Variants in SHTN1 observed in about 807,000 individuals in gnomAD.
SHTN1 encodes the protein shootin-1.
A neutral mutation model predicts 83.1 loss-of-function variants in SHTN1; 42 were observed. That is an observed-to-expected ratio of 0.51 (90% CI 0.39 to 0.65). The LOEUF (loss-of-function observed/expected upper bound fraction) is 0.65. Ranked by LOEUF, SHTN1 falls within the 30% of genes least tolerant of loss-of-function variation. The pLI is 0.00. For missense variants in SHTN1, 622 were observed against 737.8 expected, an observed-to-expected ratio of 0.84 and a Z score of 1.82; for synonymous variants, 224 against 247.7, an observed-to-expected ratio of 0.90 and a Z score of 0.90.
intron 1 of SHTN1, among the ~76,000 whole-genome samples, chr10:117,080,036 G>C (rs1396482576): frequency 4.9e-3 from 164 of 33,548 alleles, no homozygotes; most frequent in African/African-American, 0.018. Context: ...AAGCTCTTTA[G>C]TTTAATTAGA....
chr10:117,008,483 T>C (rs1403691887), upstream of SHTN1, among the ~76,000 whole-genome samples: 1 of 152,150 alleles, frequency 6.6e-6, no homozygotes, highest in Non-Finnish European at 1.5e-5. Flanking sequence ...AATTATCATA[T>C]GAAAATGGCA....
At chr10:117,124,048 CA>C (rs2133650099) in intron 1 of SHTN1, among the ~76,000 whole-genome samples, 1 of 151,426 alleles carries the variant, frequency 6.6e-6, no homozygotes, top group African/African-American at 2.4e-5. Flanking sequence ...ACTGTCTCTA[CA>C]AAAAATAAAA....
Position 116,968,726 on chromosome 10 carries a change from A to C in SHTN1, c.112-14T>G, listed in dbSNP as rs1850489563. ...AATTTTGTCACACTGAAATGAGAGAAGTAAACAAATGTTAAACTTCAATCA... is the reference window on the plus strand; with the variant it reads ...AATTTTGTCACACTGAAATGAGAGACGTAAACAAATGTTAAACTTCAATCA... On this transcript the variant is annotated splice_polypyrimidine_tract_variant and intron_variant, in intron 2 of 16. Transcript: ENST00000355371. 1.2e-6 allele frequency: 2 copies of C among 1,603,146 alleles called. No individual in the cohort carries two copies. The highest frequency in any genetic ancestry group is 1.7e-5 in the Admixed American group (1 of 59,508).
intron 2 of SHTN1, among the ~76,000 whole-genome samples, chr10:117,040,969 T>C (rs866212474): frequency 6.6e-6 from 1 of 152,024 alleles, no homozygotes; most frequent in African/African-American, 2.4e-5. Context: ...TTATTATACT[T>C]TAAGTTTTAA....
chr10:117,063,537 AATTC>A (rs1460961344), intron 1 of SHTN1, among the ~76,000 whole-genome samples: 3 of 152,096 alleles, frequency 2.0e-5, no homozygotes, highest in African/African-American at 7.2e-5. Flanking sequence ...CCCTGTATTA[AATTC>A]ATTTTATTGA....
At chr10:117,120,150 T>C (rs1327274646) in intron 1 of SHTN1, among the ~76,000 whole-genome samples, 1 of 151,916 alleles carries the variant, frequency 6.6e-6, no homozygotes, top group Non-Finnish European at 1.5e-5. Context: ...AAATAATAAA[T>C]TGTACATTTA....
chr10:116,888,550 A>C (rs755424309), intron 16 of SHTN1, among the ~76,000 whole-genome samples: 18 of 152,118 alleles, frequency 1.2e-4, no homozygotes, highest in Non-Finnish European at 2.1e-4. Context: ...AGCTGCACCT[A>C]TCTCTCTCTC....
At position 116,929,850 on chromosome 10, in the gene SHTN1, A is replaced by T; in HGVS notation, c.1011T>A (p.Ser337=). The part of the protein sequence containing the change: ...SEEKARNLKH[S]VDELQKRVNQ... Reference sequence around the variant, plus strand: ...TAGTAGCCTACTCAATGCTTTTACCAGAGTGCTTTAAATTTCTGGCTTTCT... The same window carrying T: ...TAGTAGCCTACTCAATGCTTTTACCTGAGTGCTTTAAATTTCTGGCTTTCT... Residue 337 remains serine (S), a splice_region_variant and synonymous_variant, in exon 10 of 17, where the codon TCT becomes TCA. Transcript: ENST00000355371. The T allele has an allele frequency of 1.9e-6, 3 of 1,599,282 alleles. No individual in the cohort carries two copies. Among genetic ancestry groups the T allele is most frequent in the Non-Finnish European group, 2.6e-6 (3 of 1,174,176 alleles).
upstream of SHTN1, chr10:117,005,613 C>T: frequency 1.0e-6 from 1 of 989,130 alleles, no homozygotes; most frequent in Non-Finnish European, 1.2e-6. Context: ...CCTAGTTTTC[C>T]CGCAGTAGAC....
At chr10:116,964,539 T>C (rs1161966566) in intron 3 of SHTN1, among the ~76,000 whole-genome samples, 1 of 152,274 alleles carries the variant, frequency 6.6e-6, no homozygotes, top group Admixed American at 6.5e-5. Flanking sequence ...CTAAAGCATA[T>C]GTGGTGAACA....
chr10:117,060,828 T>C (rs1486384206), intron 1 of SHTN1, among the ~76,000 whole-genome samples: 2 of 152,212 alleles, frequency 1.3e-5, no homozygotes, highest in East Asian at 1.9e-4. Context: ...TTTAAACTAC[T>C]TATGGTCGGA....
intron 15 of SHTN1, among the ~76,000 whole-genome samples, chr10:116,905,051 A>G (rs1847907753): frequency 1.3e-5 from 2 of 150,306 alleles, no homozygotes; most frequent in South Asian, 4.3e-4. Flanking sequence ...AATACAAAAA[A>G]TTAGCCGGGC....
intron 2 of SHTN1, among the ~76,000 whole-genome samples, chr10:117,016,723 T>C (rs1223625019): frequency 6.6e-6 from 1 of 152,122 alleles, no homozygotes; most frequent in Non-Finnish European, 1.5e-5. Context: ...TTCCTTAATA[T>C]ATCAGTTGCA....
chr10:116,898,576 C>T (rs796370042), intron 16 of SHTN1, among the ~76,000 whole-genome samples: 24 of 152,188 alleles, frequency 1.6e-4, no homozygotes, highest in African/African-American at 5.1e-4. Context: ...GAATTCATAA[C>T]GTTCACATTC....
intron 1 of SHTN1, among the ~76,000 whole-genome samples, chr10:117,077,635 C>A (rs985848318): frequency 1.3e-5 from 2 of 152,110 alleles, no homozygotes; most frequent in South Asian, 2.1e-4. Context: ...CCGCTCCCCC[C>A]ACCCCACAAC....
intron 2 of SHTN1, among the ~76,000 whole-genome samples, chr10:117,024,393 C>G (rs1264311593): frequency 8.2e-6 from 1 of 122,688 alleles, no homozygotes; most frequent in African/African-American, 3.1e-5. Context: ...CTTGTTCTGT[C>G]GCCCAGGCTG....
At chr10:116,997,864 G>A (rs1029805135) in intron 1 of SHTN1, among the ~76,000 whole-genome samples, 11 of 152,122 alleles carry the variant, frequency 7.2e-5, no homozygotes, top group African/African-American at 2.7e-4. Flanking sequence ...AGGCTGAGGC[G>A]GGTGGATCAC....
chr10:116,942,460 G>A (rs575037114), intron 8 of SHTN1, among the ~76,000 whole-genome samples: 3 of 152,102 alleles, frequency 2.0e-5, no homozygotes, highest in South Asian at 2.1e-4. Flanking sequence ...TGATCCCCCC[G>A]CCTCGGCCTC....
At position 117,061,886 on chromosome 10, in the gene SHTN1, A is replaced by G. The variant is rs534145362; in HGVS notation, c.-188-13376T>C. On this transcript the variant is annotated intron_variant, in intron 1 of 17. Coordinates refer to the SHTN1 transcript ENST00000392901. ...ACATTCCATGCTATGTTTTAAAATA[A>G]CACTCTTACTGACGTGTGCACAATG... Among the ~76,000 whole-genome samples, 6 of 152,294 alleles carry G rather than the reference A, an allele frequency of 3.9e-5. No individual in the cohort carries two copies. The South Asian group carries it at 1.2e-3, about 32-fold the overall frequency.
Sources: gnomAD v4.1 joint callset for allele counts (sites outside exome capture counted in the v4.1 genomes callset) on GRCh38, gnomAD v4.1.1 for gene constraint, MANE v1.5 for transcripts, NCBI Gene and HGNC (gene_info 2026-07-23, HGNC 2026-07-21) for gene names.